The following DNAH8 variants were observed in gnomAD, a reference collection of about 807,000 sequenced individuals.
The protein encoded by DNAH8 is axonemal beta dynein heavy chain 8.
A neutral mutation model predicts 562.1 loss-of-function variants in DNAH8; 382 were observed. The ratio of observed to expected loss-of-function variants is 0.68; its 90% CI spans 0.63 to 0.74. The LOEUF is 0.74. DNAH8 is among the 30% of genes least tolerant of loss of function. The pLI is 0.00. For missense variants in DNAH8, 5,203 were observed against 5,620.4 expected, an observed-to-expected ratio of 0.93 and a Z score of 2.37; for synonymous variants, 1,881 against 1,919.4, an observed-to-expected ratio of 0.98 and a Z score of 0.52.
intron 10 of DNAH8, 25 bp downstream of exon 10, chr6:38,756,104 C>T: frequency 7.3e-7 from 1 of 1,362,186 alleles, no homozygotes; most frequent in Non-Finnish European, 1.1e-6. Flanking sequence ...GAGGAAATTA[C>T]ATGTCATCCT....
Position 38,935,576 on chromosome 6 carries a change from T to C in DNAH8, c.11458-16T>C. ...TAATTATAGTTCCAATGTTATTTTT[T>C]GTTTTTTAATGACAGGAGTTAGAGG... On this transcript the variant is annotated splice_polypyrimidine_tract_variant and intron_variant, in intron 76 of 92. Transcript: ENST00000327475. 1 of 1,561,176 alleles carries C rather than the reference T, an allele frequency of 6.4e-7. No homozygotes were observed. The highest frequency in any genetic ancestry group is 8.8e-7 in the Non-Finnish European group (1 of 1,138,868).
chr6:38,798,795 A>G (rs1770525063), intron 21 of DNAH8, among the ~76,000 whole-genome samples: 1 of 152,190 alleles, frequency 6.6e-6, no homozygotes, highest in African/African-American at 2.4e-5. Context: ...ATGGGACAGT[A>G]TCAGTGAAGA....
chr6:38,813,973 C>T lies in DNAH8; in HGVS notation c.3258-81C>T, dbSNP rs12524938. 128,413 of 990,462 alleles carry T rather than the reference C, an allele frequency of 0.13. 9,652 individuals carry two copies. Among genetic ancestry groups the T allele is most frequent in the Admixed American group, 0.25 (11,920 of 48,388 alleles). 61.4% of individuals were successfully genotyped at this position (990,462 alleles called of 1,614,324 possible). ...CCTTTTAAAAATGATCTTTATTGTT[C>T]GGACTGAATTTTGTAGCATAATAAA... On this transcript the variant is annotated intron_variant, in intron 24 of 92. Transcript: ENST00000327475.
At chr6:38,966,420 G>A (rs1762973392) in intron 82 of DNAH8, among the ~76,000 whole-genome samples, 1 of 152,120 alleles carries the variant, frequency 6.6e-6, no homozygotes, top group Non-Finnish European at 1.5e-5. Context: ...TTAAAGAATA[G>A]CACTAGTTTT....
At chr6:38,962,227 T>A (rs772159349) in intron 82 of DNAH8, among the ~76,000 whole-genome samples, 1 of 152,090 alleles carries the variant, frequency 6.6e-6, no homozygotes, top group Non-Finnish European at 1.5e-5. Context: ...AATTAATCTA[T>A]AAATTGAAGC....
intron 55 of DNAH8, 144 bp from the exon 56 acceptor site, chr6:38,883,732 T>A (rs1561813431): frequency 1.4e-6 from 1 of 704,284 alleles, no homozygotes; most frequent in Non-Finnish European, 2.0e-6. Context: ...TTTTTAAAAA[T>A]TTAACAACAT....
rs1382247514 is a variant in DNAH8, at chr6:38,781,364, T to C, written c.2250T>C (p.Asn750=). ...QLYRRISEPI[N]YFFKNSDILS... is the part of the protein sequence containing the mutation. ...ATCGCCGGATAAGTGAGCCCATCAA[T>C]TATTTCTTTGTAAGCCAAGAATTAA... Residue 750 remains asparagine, a synonymous_variant, in exon 16 of 93, where the codon AAT becomes AAC. Transcript: ENST00000327475. 5.0e-6 allele frequency: 8 copies of C among 1,613,196 alleles called. No homozygotes were observed. The South Asian group carries it at 8.8e-5, about 18-fold the overall frequency.
chr6:38,853,457 G>T, intron 41 of DNAH8, 110 bp downstream of exon 41: 1 of 1,204,640 alleles, frequency 8.3e-7, no homozygotes, highest in South Asian at 1.4e-5. Context: ...CTTTGAATTA[G>T]GTTAGAGTGG....
Position 38,831,898 on chromosome 6 carries a change from G to A in DNAH8, c.4189-424G>A, listed in dbSNP as rs1328721941. Among the ~76,000 whole-genome samples the A allele has an allele frequency of 2.1e-5, 3 of 145,310 alleles. No homozygotes were observed. The East Asian group carries it at 6.2e-4, about 30-fold the overall frequency. ...AGAGTATTTCAGGACCATTGTGTAG[G>A]GTATTTGCTATTTTTTTTTAATACC... is the stretch of plus-strand genomic sequence containing the variant. On this transcript the variant is annotated intron_variant, in intron 30 of 92. Coordinates refer to ENST00000327475, the MANE Select transcript of DNAH8 (RefSeq NM_001206927.2).
intron 88 of DNAH8, among the ~76,000 whole-genome samples, chr6:38,995,722 CTA>C (rs1358544251): frequency 1.9e-4 from 29 of 152,314 alleles, no homozygotes; most frequent in African/African-American, 6.7e-4. Flanking sequence ...CTTCCTTACC[CTA>C]TACTGAGTCC....
chr6:38,911,707 T>C, intron 66 of DNAH8, 121 bp downstream of exon 66: 1 of 699,040 alleles, frequency 1.4e-6, no homozygotes. Flanking sequence ...TAGTAGTAGA[T>C]AATTTTAAAG....
intron 6 of DNAH8, among the ~76,000 whole-genome samples, chr6:38,737,517 A>G (rs897917214): frequency 1.3e-5 from 2 of 151,576 alleles, no homozygotes; most frequent in Non-Finnish European, 2.9e-5. Context: ...ATTAAAATAT[A>G]TACTTTATTA....
chr6:38,932,096 A>G (rs1445550251), intron 76 of DNAH8, 103 bp downstream of exon 76: 1 of 831,596 alleles, frequency 1.2e-6, no homozygotes, highest in African/African-American at 1.8e-5. Context: ...TTTAAAAACC[A>G]TATTTATCCT....
intron 21 of DNAH8, among the ~76,000 whole-genome samples, chr6:38,795,579 CAGAAA>C (rs1770172870): frequency 9.3e-6 from 1 of 107,482 alleles, no homozygotes; most frequent in African/African-American, 3.3e-5. Context: ...GACTGTGTCT[CAGAAA>C]AAAAAAAAAA....
At chr6:38,724,295 T>C (rs1448504067) in intron 3 of DNAH8, among the ~76,000 whole-genome samples, 1 of 152,170 alleles carries the variant, frequency 6.6e-6, no homozygotes, top group Non-Finnish European at 1.5e-5. Context: ...TGAATGGTAT[T>C]TCTAATCAGG....
rs1205092882 is a variant in DNAH8, at chr6:38,935,849, A to T, written c.11563+152A>T. ...GGCAATTTCCATCTAGACATTAAAG[A>T]GGGACGGCAGAGAATCTGATTTTTG... On this transcript the variant is annotated intron_variant, in intron 77 of 92. Transcript: ENST00000327475. The T allele has an allele frequency of 7.1e-6, 4 of 560,652 alleles. No individual in the cohort carries two copies. The East Asian group carries it at 1.2e-4, about 17-fold the overall frequency. 34.7% of individuals were successfully genotyped at this position (560,652 alleles called of 1,614,324 possible).
rs201465001 is a variant in DNAH8 at position 38,973,687 on chromosome 6, C to G, written c.12552C>G (p.Cys4184Trp). Residue 4184 changes from cysteine (C) to tryptophan (W), a missense_variant, in exon 84 of 93, where the codon TGC becomes TGG. This residue lies in a region of DNAH8 where 1,399 missense variants were observed against 1,518.4 expected (regional missense o/e 0.92). Transcript: ENST00000327475. ...QQGGWVLLQN[C>W]HLGLEFMEEL... ...GTGGTTGGGTATTACTACAAAATTGCCACCTTGGCCTGGAATTCATGGAAG... is the reference window on the plus strand; with the variant it reads ...GTGGTTGGGTATTACTACAAAATTGGCACCTTGGCCTGGAATTCATGGAAG... 6.2e-7 allele frequency: 1 copy of G among 1,601,562 alleles called. No homozygotes were observed. The highest frequency in any genetic ancestry group is 8.5e-7 in the Non-Finnish European group (1 of 1,175,662).
intron 33 of DNAH8, among the ~76,000 whole-genome samples, chr6:38,839,715 T>C (rs1048055422): frequency 6.6e-6 from 1 of 150,552 alleles, no homozygotes; most frequent in Admixed American, 6.7e-5. Context: ...CAGGCTGGAG[T>C]GCAATGACAT....
intron 88 of DNAH8, among the ~76,000 whole-genome samples, chr6:39,003,380 G>GAAC (rs1765606282): frequency 6.6e-6 from 1 of 152,136 alleles, no homozygotes; most frequent in African/African-American, 2.4e-5. Flanking sequence ...GATGGGCTTT[G>GAAC]CCTTATGGGG....
Sources: gnomAD v4.1 joint callset for allele counts (sites outside exome capture counted in the v4.1 genomes callset) on GRCh38, gnomAD v4.1.1 for gene constraint, gnomAD v4.1.1 regional missense constraint, MANE v1.5 for transcripts, NCBI Gene and HGNC (gene_info 2026-07-23, HGNC 2026-07-21) for gene names.